The following CNTNAP2 variants were observed in gnomAD, a reference collection of about 807,000 sequenced individuals.
The protein encoded by CNTNAP2 is contactin associated protein 2, also known as contactin-associated protein-like 2.
A neutral mutation model predicts 155.2 loss-of-function variants in CNTNAP2; 98 were observed. The ratio of observed to expected loss-of-function variants is 0.63; its 90% CI spans 0.54 to 0.75. The LOEUF (loss-of-function observed/expected upper bound fraction) is 0.75, where lower values mean the gene tolerates loss of function less well. CNTNAP2 is among the 30% of genes least tolerant of loss of function. CNTNAP2 has a pLI of 0.00. For missense variants in CNTNAP2, 1,727 were observed against 1,688.1 expected (o/e 1.02, Z -0.40); for synonymous variants, 651 against 631.2 (o/e 1.03, Z -0.47).
chr7:146,786,291 T>G lies in CNTNAP2; in HGVS notation c.208+11910T>G, dbSNP rs187692951. 6.6e-5 allele frequency among the ~76,000 whole-genome samples: 10 copies of G among 152,264 alleles called. No homozygotes were observed. In the East Asian group the frequency reaches 1.9e-3, roughly 29 times the overall value. ...GCAGACCAAATTATTTCCAAGACAATTGGGAGGACTTAATCTAATAATGAC... is the reference window on the plus strand; with the variant it reads ...GCAGACCAAATTATTTCCAAGACAAGTGGGAGGACTTAATCTAATAATGAC... On this transcript the variant is annotated intron_variant, in intron 2 of 23. Transcript: ENST00000361727.
intron 1 of CNTNAP2, among the ~76,000 whole-genome samples, chr7:146,236,435 T>C (rs1225030340): frequency 6.6e-6 from 1 of 152,152 alleles, no homozygotes; most frequent in African/African-American, 2.4e-5. Context: ...AATTGTCTTA[T>C]ATGAGTTGAT....
At chr7:146,307,194 CAG>C (rs1174470705) in intron 1 of CNTNAP2, among the ~76,000 whole-genome samples, 1 of 152,080 alleles carries the variant, frequency 6.6e-6, no homozygotes, top group Non-Finnish European at 1.5e-5. Context: ...AACAGACAAA[CAG>C]AGAGCCAAAT....
intron 8 of CNTNAP2, among the ~76,000 whole-genome samples, chr7:147,245,846 T>G (rs1804049598): frequency 6.6e-6 from 1 of 151,156 alleles, no homozygotes; most frequent in Non-Finnish European, 1.5e-5. Flanking sequence ...TGGTCATTGT[T>G]TGCATTAGTC....
intron 20 of CNTNAP2, among the ~76,000 whole-genome samples, chr7:148,259,721 C>T (rs748124685): frequency 3.1e-4 from 47 of 152,180 alleles, no homozygotes; most frequent in Non-Finnish European, 6.3e-4. Flanking sequence ...ACTCTGCCAA[C>T]GCAAACTGTG....
At chr7:147,679,677 G>C (rs1256560961) in intron 13 of CNTNAP2, among the ~76,000 whole-genome samples, 1 of 151,822 alleles carries the variant, frequency 6.6e-6, no homozygotes, top group Non-Finnish European at 1.5e-5. Flanking sequence ...ACTCCCACTT[G>C]ACCCCATTCC....
At chr7:146,242,291 G>T (rs1012385361) in intron 1 of CNTNAP2, among the ~76,000 whole-genome samples, 2 of 152,110 alleles carry the variant, frequency 1.3e-5, no homozygotes, top group Non-Finnish European at 2.9e-5. Context: ...TGTAATCCCA[G>T]CACTTTGGGA....
rs549796527 is a variant in CNTNAP2, at chr7:147,006,886, G to A, written c.403-37021G>A. Among the ~76,000 whole-genome samples, 238 of 152,152 alleles carry A rather than the reference G, an allele frequency of 1.6e-3. 1 individual carries two copies. Among genetic ancestry groups the A allele is most frequent in the Non-Finnish European group, 3.1e-3 (208 of 67,982 alleles). On this transcript the variant is annotated intron_variant, in intron 3 of 23. Coordinates refer to ENST00000361727, the MANE Select transcript of CNTNAP2 (RefSeq NM_014141.6). ...ACAGGGGCAATTCAGCAATGGCAAT[G>A]TTTATTTAAAGGAAAAAGTACATGC...
At chr7:148,221,679 C>T (rs1795749434) in intron 19 of CNTNAP2, among the ~76,000 whole-genome samples, 1 of 152,172 alleles carries the variant, frequency 6.6e-6, no homozygotes, top group South Asian at 2.1e-4. Context: ...CCACTAAACA[C>T]CCTGGCATCA....
At chr7:146,198,752 A>G (rs1562986959) in intron 1 of CNTNAP2, among the ~76,000 whole-genome samples, 2 of 152,098 alleles carry the variant, frequency 1.3e-5, no homozygotes, top group Non-Finnish European at 1.5e-5. Flanking sequence ...GCCAATAAGA[A>G]GAAAAATGAC....
At chr7:147,669,346 A>C (rs1795749698) in intron 13 of CNTNAP2, among the ~76,000 whole-genome samples, 1 of 152,218 alleles carries the variant, frequency 6.6e-6, no homozygotes, top group Admixed American at 6.5e-5. Context: ...ATATTTCATC[A>C]AAAATCTATA....
chr7:147,105,280 C>A (rs1800742342), intron 4 of CNTNAP2, among the ~76,000 whole-genome samples: 1 of 151,796 alleles, frequency 6.6e-6, no homozygotes, highest in African/African-American at 2.4e-5. Context: ...ATGAATTGGG[C>A]ATATTACCAG....
intron 1 of CNTNAP2, among the ~76,000 whole-genome samples, chr7:146,550,401 GTTTTT>G (rs10673467): frequency 3.5e-3 from 188 of 54,388 alleles, no homozygotes; most frequent in African/African-American, 0.013. Context: ...CCATTAATCT[GTTTTT>G]TTTTTTTTTT....
chr7:147,154,327 A>G (rs1801881761), intron 8 of CNTNAP2, among the ~76,000 whole-genome samples: 1 of 152,158 alleles, frequency 6.6e-6, no homozygotes, highest in Admixed American at 6.6e-5. Flanking sequence ...TGGGAAATTT[A>G]GGATGATTAT....
chr7:146,372,906 AC>A (rs1169111723), intron 1 of CNTNAP2, among the ~76,000 whole-genome samples: 1 of 152,142 alleles, frequency 6.6e-6, no homozygotes, highest in Admixed American at 6.5e-5. Context: ...CTCACCACAA[AC>A]CTTGTTCATT....
At position 148,267,033 on chromosome 7, in the gene CNTNAP2, C is replaced by A. The variant is rs1796684155; in HGVS notation, c.3382C>A (p.Leu1128Ile). 1.9e-6 allele frequency: 3 copies of A among 1,613,922 alleles called. No homozygotes were observed. Among genetic ancestry groups the A allele is most frequent in the Non-Finnish European group, 1.7e-6 (2 of 1,179,892 alleles). The stretch of plus-strand genomic sequence containing the variant: ...AGTGTCTCTTGTTTTCCTCCTGCAG[C>A]TCGATCATTATCCTTCTGTGAGTTA... ...TRHEKTIFLK[L>I]DHYPSVSYHL... The change falls in exon 21 of 24, where the codon CTC becomes ATC. Residue 1128 changes from leucine (L) to isoleucine (I), a missense_variant and splice_region_variant. Physicochemically the swap from Leu to Ile is conservative, Grantham distance 5. Coordinates refer to ENST00000361727, the MANE Select transcript of CNTNAP2 (RefSeq NM_014141.6).
At chr7:148,370,747 C>T (rs1284965185) in intron 21 of CNTNAP2, among the ~76,000 whole-genome samples, 6 of 152,168 alleles carry the variant, frequency 3.9e-5, no homozygotes, top group Non-Finnish European at 8.8e-5. Context: ...TCCACACCTA[C>T]CCTGGCAGAC....
chr7:146,735,773 G>A (rs149148989), intron 1 of CNTNAP2, among the ~76,000 whole-genome samples: 16 of 138,988 alleles, frequency 1.2e-4, no homozygotes, highest in African/African-American at 5.1e-4. Flanking sequence ...AGGGTAATAG[G>A]GAGAGATTGG....
chr7:146,777,037 A>G (rs972408376), intron 2 of CNTNAP2, among the ~76,000 whole-genome samples: 8 of 152,304 alleles, frequency 5.3e-5, no homozygotes, highest in African/African-American at 1.9e-4. Flanking sequence ...GCATTTCCAG[A>G]AAGACAGATG....
intron 7 of CNTNAP2, among the ~76,000 whole-genome samples, chr7:147,129,742 T>C (rs1584862052): frequency 6.6e-6 from 1 of 152,178 alleles, no homozygotes; most frequent in African/African-American, 2.4e-5. Flanking sequence ...TTTCATAAAA[T>C]GATTTGACAA....
Sources: allele counts gnomAD v4.1 joint callset (sites outside exome capture counted in the v4.1 genomes callset), GRCh38; gene constraint gnomAD v4.1.1; transcripts MANE v1.5; gene names NCBI Gene and HGNC (gene_info 2026-07-23, HGNC 2026-07-21).